Variants in SPATA6L observed in about 807,000 individuals in gnomAD.
The protein encoded by SPATA6L is spermatogenesis associated 6-like protein.
A neutral mutation model predicts 49.2 loss-of-function variants in SPATA6L; 68 were observed. The ratio of observed to expected loss-of-function variants is 1.38; its 90% CI spans 1.14 to 1.69. The LOEUF (loss-of-function observed/expected upper bound fraction) is 1.69. SPATA6L is among the 40% of genes most tolerant of loss of function. The pLI is 0.00. For missense variants in SPATA6L, 668 were observed against 464.3 expected, an observed-to-expected ratio of 1.44 and a Z score of -4.03; for synonymous variants, 198 against 165.7, an observed-to-expected ratio of 1.19 and a Z score of -1.50.
chr9:4,642,367 T>C (rs1308049703), intron 3 of SPATA6L, among the ~76,000 whole-genome samples: 3 of 152,232 alleles, frequency 2.0e-5, no homozygotes, highest in Non-Finnish European at 4.4e-5. Flanking sequence ...ACTTTTAGGC[T>C]GAAAAACATT....
intron 1 of SPATA6L, 120 bp downstream of exon 1, chr9:4,666,092 C>A: frequency 2.2e-6 from 2 of 912,216 alleles, no homozygotes; most frequent in South Asian, 1.3e-5. Flanking sequence ...GCGATCTGTC[C>A]CAGAAGATAA....
rs1469199756 is a variant in SPATA6L at position 4,666,290 on chromosome 9, C to A, written c.-40G>T. 1.2e-6 allele frequency: 2 copies of A among 1,612,908 alleles called. No homozygotes were observed. Among genetic ancestry groups the A allele is most frequent in the African/African-American group, 2.7e-5 (2 of 74,906 alleles). On this transcript the variant is annotated 5_prime_UTR_variant, in exon 1 of 12. In the 5' UTR this introduces an upstream ATG that the reference lacks. Coordinates refer to ENST00000682582, the MANE Select transcript of SPATA6L (RefSeq NM_001353486.2). ...GCGAAAGGACTGGAATGAGAAGATC[C>A]TTTTGTGCCGAGCCTTGGACCAATT...
intron 7 of SPATA6L, among the ~76,000 whole-genome samples, chr9:4,619,576 A>T (rs996418926): frequency 6.6e-6 from 1 of 152,148 alleles, no homozygotes; most frequent in African/African-American, 2.4e-5. Flanking sequence ...CCCAGAACCT[A>T]AAAGAAAGTA....
At chr9:4,661,759 G>GTTTTGCTTCAAGGCCGACTGCGT in intron 2 of SPATA6L, 140 bp downstream of exon 2, 6 of 1,172,434 alleles carry the variant, frequency 5.1e-6, no homozygotes, top group Non-Finnish European at 5.8e-6. Flanking sequence ...TCCGACTGCG[G>GTTTTGCTTCAAGGCCGACTGCGT]TTTTGCATTG....
At chr9:4,591,382 A>C (rs1362537854) in intron 13 of SPATA6L, among the ~76,000 whole-genome samples, 2 of 152,232 alleles carry the variant, frequency 1.3e-5, no homozygotes, top group Non-Finnish European at 2.9e-5. Flanking sequence ...GCTTAAAAAA[A>C]ATTATAAAGG....
chr9:4,649,183 T>C (rs910063635), intron 3 of SPATA6L, among the ~76,000 whole-genome samples: 2 of 152,180 alleles, frequency 1.3e-5, no homozygotes, highest in Non-Finnish European at 2.9e-5. Context: ...TGCATAAACA[T>C]GCGTGTGTAA....
intron 9 of SPATA6L, among the ~76,000 whole-genome samples, chr9:4,609,915 A>C (rs1826257354): frequency 6.6e-6 from 1 of 152,078 alleles, no homozygotes; most frequent in African/African-American, 2.4e-5. Flanking sequence ...TCAGCCCAAA[A>C]TCTCCTTAAG....
intron 4 of SPATA6L, among the ~76,000 whole-genome samples, chr9:4,631,965 C>A (rs1199140797): frequency 6.6e-6 from 1 of 150,896 alleles, no homozygotes; most frequent in African/African-American, 2.4e-5. Context: ...GAGGACTGAA[C>A]AGGATAATCC....
intron 6 of SPATA6L, among the ~76,000 whole-genome samples, chr9:4,622,799 G>C (rs1208329533): frequency 6.6e-6 from 1 of 152,236 alleles, no homozygotes; most frequent in Non-Finnish European, 1.5e-5. Flanking sequence ...ATCCCGCACA[G>C]AAAGAGAGCA....
At chr9:4,636,359 G>A (rs1832809954) in intron 3 of SPATA6L, among the ~76,000 whole-genome samples, 2 of 152,050 alleles carry the variant, frequency 1.3e-5, no homozygotes, top group South Asian at 4.2e-4. Context: ...ACAGTGACTT[G>A]TATAAGTTGA....
chr9:4,615,343 T>G (rs1291975469), intron 9 of SPATA6L, among the ~76,000 whole-genome samples: 1 of 152,210 alleles, frequency 6.6e-6, no homozygotes. Flanking sequence ...ATGTTAGTGT[T>G]CCCATTGCTG....
At chr9:4,627,836 T>C (rs1319403348) in intron 5 of SPATA6L, 3 of 1,286,954 alleles carry the variant, frequency 2.3e-6, no homozygotes, top group Admixed American at 2.3e-5. Flanking sequence ...CTATTCACAA[T>C]AGCCAAGATT....
chr9:4,591,392 G>A (rs12379402), intron 13 of SPATA6L, among the ~76,000 whole-genome samples: 2,678 of 152,282 alleles, frequency 0.018, 39 homozygotes, highest in Middle Eastern at 0.048. Flanking sequence ...AATTATAAAG[G>A]TTTTCCAAAA....
rs182679618 is a variant in SPATA6L, at chr9:4,662,262, G to A, written c.40-226C>T. On this transcript the variant is annotated intron_variant, in intron 1 of 11. Coordinates refer to ENST00000682582, the MANE Select transcript of SPATA6L (RefSeq NM_001353486.2). This position sits in a 1 kb window ranked among gnomAD's most constrained non-coding sequence, Gnocchi z 4.9. ...CACCAGGTGTCACAATCGCGCTCTC[G>A]CCGGCTCCTCTCCCCGCCCCTCCGG... 112 of 1,432,936 alleles carry A rather than the reference G, an allele frequency of 7.8e-5. No individual in the cohort carries two copies. The highest frequency in any genetic ancestry group is 1.4e-4 in the Admixed American group (5 of 34,850). 88.8% of individuals were successfully genotyped at this position (1,432,936 alleles called of 1,614,324 possible).
chr9:4,618,016 T>A lies in SPATA6L; in HGVS notation c.902A>T (p.Gln301Leu). 1 of 1,614,126 alleles carries A rather than the reference T, an allele frequency of 6.2e-7. No homozygotes were observed. The highest frequency in any genetic ancestry group is 8.5e-7 in the Non-Finnish European group (1 of 1,180,002). ...TTTCCCGTGGAAATCAGCATCCCCT[T>A]GTTTACTGGATGAAGACTTTCCAAA... ...SQFGKSSSSKQGDADFHGKAS... is the reference protein window; with the variant it reads ...SQFGKSSSSKLGDADFHGKAS... The change falls in exon 9 of 12, where the codon CAA (glutamine) becomes CTA (leucine). Residue 301 changes from glutamine (Q) to leucine (L), a missense_variant. Physicochemically the swap from Gln to Leu is moderately radical, Grantham distance 113 (BLOSUM62 -2). Transcript: ENST00000682582.
intron 9 of SPATA6L, among the ~76,000 whole-genome samples, chr9:4,612,967 C>T (rs1827128022): frequency 6.6e-6 from 1 of 152,110 alleles, no homozygotes; most frequent in Non-Finnish European, 1.5e-5. Flanking sequence ...GTGGCTCACA[C>T]CTATAATCCC....
At chr9:4,638,555 G>C (rs997422254) in intron 3 of SPATA6L, among the ~76,000 whole-genome samples, 4 of 151,952 alleles carry the variant, frequency 2.6e-5, no homozygotes, top group African/African-American at 9.7e-5. Flanking sequence ...TCATTTACTA[G>C]TCTCATCCTG....
Position 4,599,623 on chromosome 9 carries a change from A to G in SPATA6L, c.*1188T>C, listed in dbSNP as rs933668277. 6.6e-6 allele frequency among the ~76,000 whole-genome samples: 1 copy of G among 152,204 alleles called. No homozygotes were observed. Among genetic ancestry groups the G allele is most frequent in the Non-Finnish European group, 1.5e-5 (1 of 68,040 alleles). ...AAGATCAGAATGTTGGCAGATGCAG[A>G]ATCTGGTGAGGGCCCTCTTCCTGGG... On this transcript the variant is annotated 3_prime_UTR_variant, in exon 12 of 12. Coordinates refer to ENST00000682582, the MANE Select transcript of SPATA6L (RefSeq NM_001353486.2).
intron 3 of SPATA6L, among the ~76,000 whole-genome samples, chr9:4,655,555 G>GT (rs57237870): frequency 0.024 from 3,451 of 145,690 alleles, 110 homozygotes; most frequent in African/African-American, 0.077. Flanking sequence ...TTTTTTTGTT[G>GT]TTTTTTTTTT....
Sources: allele counts gnomAD v4.1 joint callset (sites outside exome capture counted in the v4.1 genomes callset), GRCh38; gene constraint gnomAD v4.1.1; non-coding constraint Gnocchi (gnomAD v3.1); transcripts MANE v1.5; gene names NCBI Gene and HGNC (gene_info 2026-07-23, HGNC 2026-07-21).